Variants in ZNF438 observed in about 807,000 individuals in gnomAD.
The protein encoded by ZNF438 is zinc finger protein 438.
ZNF438 carries 25 observed loss-of-function variants against 38.0 expected under a neutral mutation model. The observed-to-expected ratio is 0.66, with a 90% CI of 0.48 to 0.92. The LOEUF is 0.92. ZNF438 is among the 40% of genes least tolerant of loss of function. The probability of loss-of-function intolerance (pLI) is 0.00; values close to 1 mark genes in which losing one functional copy is unlikely to be tolerated. For synonymous variants in ZNF438, 372 were observed against 364.1 expected (o/e 1.02, Z -0.25); for missense variants, 1,007 against 999.6 (o/e 1.01, Z -0.10).
chr10:30,844,831 A>G (rs2031491222), exon 6 of ZNF438: 1 of 1,193,548 alleles, frequency 8.4e-7, no homozygotes, highest in African/African-American at 1.5e-5. Context: ...ACCATGTACA[A>G]AAATCATTTC....
At chr10:30,884,426 A>C (rs982852037) in intron 3 of ZNF438, among the ~76,000 whole-genome samples, 5 of 152,318 alleles carry the variant, frequency 3.3e-5, no homozygotes, top group Middle Eastern at 3.4e-3. Flanking sequence ...AAAATCTAAC[A>C]GTATTTAATA....
At chr10:30,904,064 T>C (rs1016759797) in intron 3 of ZNF438, among the ~76,000 whole-genome samples, 22 of 150,282 alleles carry the variant, frequency 1.5e-4, no homozygotes, top group African/African-American at 4.9e-4. Flanking sequence ...ACAGAGACTC[T>C]CAGAGCAAAA....
At chr10:30,884,146 A>G (rs930059394) in intron 3 of ZNF438, among the ~76,000 whole-genome samples, 2 of 152,152 alleles carry the variant, frequency 1.3e-5, no homozygotes, top group African/African-American at 4.8e-5. Flanking sequence ...TGCCATCAAA[A>G]TAATTTTAAC....
intron 1 of ZNF438, among the ~76,000 whole-genome samples, chr10:31,007,160 C>A (rs1401416651): frequency 1.3e-5 from 2 of 152,120 alleles, no homozygotes; most frequent in African/African-American, 4.8e-5. Context: ...CTCCCCTAAG[C>A]CTTCAGGGAG....
chr10:30,954,521 T>C (rs1044480793), intron 1 of ZNF438, among the ~76,000 whole-genome samples: 6 of 152,216 alleles, frequency 3.9e-5, no homozygotes, highest in African/African-American at 1.2e-4. Flanking sequence ...AGTTCAGTTC[T>C]AAGAATCTTA....
chr10:30,992,555 G>A (rs2053611464), intron 1 of ZNF438, among the ~76,000 whole-genome samples: 1 of 152,144 alleles, frequency 6.6e-6, no homozygotes, highest in African/African-American at 2.4e-5. Context: ...TGGGATTACA[G>A]GCATGCGCCA....
At chr10:31,012,161 C>T (rs924897840) in intron 1 of ZNF438, among the ~76,000 whole-genome samples, 1 of 146,360 alleles carries the variant, frequency 6.8e-6, no homozygotes, top group Admixed American at 7.0e-5. Context: ...CTCGCTCTGT[C>T]GCCCAGGCTG....
At chr10:30,971,612 A>G (rs529056993) in intron 1 of ZNF438, among the ~76,000 whole-genome samples, 23 of 152,240 alleles carry the variant, frequency 1.5e-4, no homozygotes, top group African/African-American at 5.1e-4. Flanking sequence ...CTTCAATTCC[A>G]TAGTTGATTT....
chr10:30,849,395 T>A (rs1353158477), exon 5 of ZNF438: 2 of 1,614,136 alleles, frequency 1.2e-6, no homozygotes, highest in Non-Finnish European at 1.7e-6. Context: ...GGTGGCTGCA[T>A]TAAAGCCTTC....
At chr10:30,884,511 T>C (rs369062878) in intron 3 of ZNF438, among the ~76,000 whole-genome samples, 4 of 152,196 alleles carry the variant, frequency 2.6e-5, no homozygotes, top group Non-Finnish European at 5.9e-5. Flanking sequence ...AGCCACTGCA[T>C]CCTTCATAGT....
intron 1 of ZNF438, among the ~76,000 whole-genome samples, chr10:31,015,441 C>T (rs1404908736): frequency 6.6e-6 from 1 of 152,060 alleles, no homozygotes; most frequent in Admixed American, 6.6e-5. Flanking sequence ...GTCAGGAGTT[C>T]AAGACCAGCC....
chr10:30,868,712 A>T (rs2036886289), intron 4 of ZNF438, among the ~76,000 whole-genome samples: 1 of 152,196 alleles, frequency 6.6e-6, no homozygotes, highest in African/African-American at 2.4e-5. Flanking sequence ...CATCTGCATA[A>T]ATAAAGATGC....
intron 2 of ZNF438, among the ~76,000 whole-genome samples, chr10:30,928,291 A>C (rs2045204271): frequency 6.6e-6 from 1 of 152,180 alleles, no homozygotes; most frequent in Admixed American, 6.5e-5. Flanking sequence ...TTGAATCCTA[A>C]AAATAATATT....
intron 1 of ZNF438, among the ~76,000 whole-genome samples, chr10:30,984,037 T>A (rs1053091057): frequency 6.6e-5 from 10 of 152,202 alleles, no homozygotes; most frequent in African/African-American, 2.4e-4. Context: ...AGTTCCTAGG[T>A]ATAACCCAGG....
At chr10:30,865,177 C>A (rs1016648122) in intron 4 of ZNF438, among the ~76,000 whole-genome samples, 1 of 152,264 alleles carries the variant, frequency 6.6e-6, no homozygotes, top group Non-Finnish European at 1.5e-5. Context: ...TTTGAACAAC[C>A]TTTTTCCAAT....
At chr10:30,969,701 A>G (rs548123380) in intron 1 of ZNF438, among the ~76,000 whole-genome samples, 6 of 152,300 alleles carry the variant, frequency 3.9e-5, no homozygotes, top group South Asian at 2.1e-4. Flanking sequence ...TCTGGAAATG[A>G]GCACTTCTTA....
At position 30,950,870 on chromosome 10, in the gene ZNF438, AAG is replaced by A. The variant is rs760873955; in HGVS notation, c.-191-9221_-191-9220del. On this transcript the variant is annotated intron_variant, in intron 1 of 5. Transcript: ENST00000413025. Reference sequence around the variant, plus strand: ...CTGAAATTATTCCAATCAATAGAAAAAGAGGGAATCCTCCCTAACTCATTTTA... The same window carrying A: ...CTGAAATTATTCCAATCAATAGAAAAAGGGAATCCTCCCTAACTCATTTTA... Among the ~76,000 whole-genome samples, 21 of 122,364 alleles carry A rather than the reference AAG, an allele frequency of 1.7e-4. No individual in the cohort carries two copies. In the East Asian group the frequency reaches 3.8e-3, roughly 22 times the overall value. The allele number at this position is 122,364 out of a possible 152,430, so 80.3% of individuals were successfully genotyped here.
chr10:30,850,106 A>T, exon 5 of ZNF438: 1 of 1,614,146 alleles, frequency 6.2e-7, no homozygotes, highest in Non-Finnish European at 8.5e-7. Context: ...AGCTGAGGCA[A>T]CATGTGGCAG....
intron 2 of ZNF438, among the ~76,000 whole-genome samples, chr10:30,932,001 G>A (rs1049134847): frequency 6.6e-6 from 1 of 152,080 alleles, no homozygotes; most frequent in Admixed American, 6.5e-5. Context: ...GAGACAAGTA[G>A]GAAGACTTAG....
Sources: allele counts gnomAD v4.1 joint callset (sites outside exome capture counted in the v4.1 genomes callset), GRCh38; gene constraint gnomAD v4.1.1; transcripts MANE v1.5; gene names NCBI Gene and HGNC (gene_info 2026-07-23, HGNC 2026-07-21).